Variants in HERC4 observed in about 807,000 individuals in gnomAD.
The protein encoded by HERC4 is HECT and RLD domain containing E3 ubiquitin protein ligase 4, also known as probable E3 ubiquitin-protein ligase HERC4.
A neutral mutation model predicts 124.3 loss-of-function variants in HERC4; 28 were observed. The observed-to-expected ratio is 0.23, with a 90% confidence interval of 0.17 to 0.31. HERC4 has a LOEUF of 0.31. Ranked by LOEUF, HERC4 falls within the 10% of genes least tolerant of loss-of-function variation. HERC4 has a pLI of 1.00. For missense variants in HERC4, 713 were observed against 1,229.3 expected (o/e 0.58, Z 6.28); for synonymous variants, 407 against 421.5 (o/e 0.97, Z 0.42).
At chr10:67,952,899 C>CAAAA (rs1003721031) in intron 19 of HERC4, among the ~76,000 whole-genome samples, 115 of 128,028 alleles carry the variant, frequency 9.0e-4, no homozygotes, top group Middle Eastern at 4.2e-3. Flanking sequence ...GACTCAGTCT[C>CAAAA]AAAAAAAAAG....
rs1366346238 is a variant in HERC4, at chr10:68,024,094, CATT to C, written c.908+1449_908+1451del. ...GAACTTTTATCCCTGTATTGAGAAA[CATT>C]ATGAACTTGTATCTACACTATATAA... is the stretch of plus-strand genomic sequence containing the variant. On this transcript the variant is annotated intron_variant, in intron 8 of 24. Transcript: ENST00000373700. Among the ~76,000 whole-genome samples, 3 of 152,064 alleles carry C rather than the reference CATT, an allele frequency of 2.0e-5. No individual in the cohort carries two copies. The East Asian group carries it at 5.8e-4, about 29-fold the overall frequency.
intron 5 of HERC4, among the ~76,000 whole-genome samples, chr10:68,037,070 A>G: frequency 6.7e-6 from 1 of 148,996 alleles, no homozygotes; most frequent in African/African-American, 2.5e-5. Context: ...GTAACAATGG[A>G]GCAAATGGAA....
At chr10:67,975,227 TAATAA>T (rs901074101) in intron 15 of HERC4, among the ~76,000 whole-genome samples, 2 of 152,020 alleles carry the variant, frequency 1.3e-5, no homozygotes, top group Non-Finnish European at 1.5e-5. Flanking sequence ...TATGCTCCAA[TAATAA>T]AATAAAACCT....
chr10:68,007,151 A>T (rs1057277865), intron 9 of HERC4, among the ~76,000 whole-genome samples: 7 of 151,770 alleles, frequency 4.6e-5, no homozygotes, highest in Non-Finnish European at 1.0e-4. Flanking sequence ...CTGTGGGAGT[A>T]TTTCACTCTT....
At chr10:68,068,098 A>G (rs896364223) in intron 3 of HERC4, 7 of 152,162 alleles carry the variant, frequency 4.6e-5, no homozygotes, top group African/African-American at 1.7e-4. Flanking sequence ...TATAAATCCC[A>G]GCAATTTGGG....
intron 3 of HERC4, among the ~76,000 whole-genome samples, chr10:68,060,048 C>T (rs1003297312): frequency 6.8e-5 from 10 of 147,966 alleles, no homozygotes; most frequent in Admixed American, 6.5e-4. Flanking sequence ...TCAACTTTGG[C>T]AGAATTACTT....
chr10:68,062,677 A>T (rs941079450), intron 3 of HERC4, among the ~76,000 whole-genome samples: 1 of 151,850 alleles, frequency 6.6e-6, no homozygotes, highest in Middle Eastern at 3.2e-3. Context: ...GGAGAATCAC[A>T]TGAACCCGGG....
intron 15 of HERC4, among the ~76,000 whole-genome samples, chr10:67,972,157 T>C (rs994649102): frequency 2.3e-5 from 3 of 132,260 alleles, no homozygotes; most frequent in East Asian, 4.5e-4. Context: ...GAGGTTGCAG[T>C]GGGCCAAGGT....
At position 67,966,811 on chromosome 10, in the gene HERC4, GA is replaced by G; in HGVS notation, c.1807-10del. 6.5e-7 allele frequency: 1 copy of G among 1,535,872 alleles called. No homozygotes were observed. Among genetic ancestry groups the G allele is most frequent in the Non-Finnish European group, 8.8e-7 (1 of 1,140,628 alleles). On this transcript the variant is annotated splice_polypyrimidine_tract_variant and intron_variant, in intron 15 of 24. Transcript: ENST00000373700. ...CCCATTTTCTCATTTACCTACAAAAGAAAATGTAATTGACATTAAATTTAAC... is the reference window on the plus strand; with the variant it reads ...CCCATTTTCTCATTTACCTACAAAAGAAATGTAATTGACATTAAATTTAAC...
At chr10:67,966,880 A>C in intron 15 of HERC4, 78 bp from the exon 16 acceptor site, 13 of 1,103,092 alleles carry the variant, frequency 1.2e-5, no homozygotes, top group South Asian at 1.8e-5. Context: ...TTTGAGACGG[A>C]GTCTCACTCT....
intron 19 of HERC4, among the ~76,000 whole-genome samples, chr10:67,953,409 T>C (rs1166135381): frequency 6.6e-6 from 1 of 152,116 alleles, no homozygotes; most frequent in African/African-American, 2.4e-5. Flanking sequence ...ATAATATTGG[T>C]GGTAATGTTG....
At chr10:68,051,251 T>C (rs941831014) in intron 3 of HERC4, among the ~76,000 whole-genome samples, 2 of 152,058 alleles carry the variant, frequency 1.3e-5, no homozygotes, top group Non-Finnish European at 2.9e-5. Context: ...CATATAATCA[T>C]TATAGTCAAC....
At chr10:68,060,070 G>A (rs1231655694) in intron 3 of HERC4, among the ~76,000 whole-genome samples, 1 of 149,158 alleles carries the variant, frequency 6.7e-6, no homozygotes, top group African/African-American at 2.5e-5. Context: ...ATCTTCTGGA[G>A]TCTGACTGTT....
chr10:67,992,247 T>C lies in HERC4; in HGVS notation c.1223A>G (p.Gln408Arg), dbSNP rs781025020. Residue 408 changes from glutamine (Q) to arginine (R), a missense_variant, in exon 11 of 25, where the codon CAG (glutamine) becomes CGG (arginine). By Grantham distance (43) the Gln-to-Arg change is conservative. Transcript: ENST00000373700. ...QIWTVNEALIQKWLSYPSGRF... is the reference protein window; with the variant it reads ...QIWTVNEALIRKWLSYPSGRF... Reference sequence around the variant, plus strand: ...TCCAGAAGGATAGCTCAGCCATTTCTGAATTAGAGCTTCATTCACTGTCCA... The same window carrying C: ...TCCAGAAGGATAGCTCAGCCATTTCCGAATTAGAGCTTCATTCACTGTCCA... 6.2e-7 allele frequency: 1 copy of C among 1,614,034 alleles called. No individual in the cohort carries two copies. The highest frequency in any genetic ancestry group is 1.3e-5 in the African/African-American group (1 of 74,936).
At chr10:68,006,830 T>C (rs1268210228) in intron 9 of HERC4, among the ~76,000 whole-genome samples, 1 of 152,228 alleles carries the variant, frequency 6.6e-6, no homozygotes. Context: ...AGGTTTCCAC[T>C]GAGAAGTCTG....
intron 5 of HERC4, 50 bp from the exon 6 acceptor site, chr10:68,034,236 T>A (rs1243523277): frequency 1.5e-6 from 2 of 1,354,734 alleles, no homozygotes; most frequent in Non-Finnish European, 2.1e-6. Context: ...ATGCAAAAAA[T>A]TTAATTTGAA....
At chr10:68,028,405 G>A (rs778124034) in intron 7 of HERC4, among the ~76,000 whole-genome samples, 2 of 151,908 alleles carry the variant, frequency 1.3e-5, no homozygotes, top group Admixed American at 1.3e-4. Context: ...ATTTCTTCTC[G>A]ATATCCAGTG....
At chr10:67,986,794 A>T (rs1358236409) in intron 15 of HERC4, among the ~76,000 whole-genome samples, 1 of 152,202 alleles carries the variant, frequency 6.6e-6, no homozygotes, top group Non-Finnish European at 1.5e-5. Context: ...GAAGCAACAC[A>T]GAGGGGTTAG....
intron 3 of HERC4, among the ~76,000 whole-genome samples, chr10:68,056,491 G>A (rs778572963): frequency 6.6e-5 from 10 of 152,168 alleles, no homozygotes; most frequent in East Asian, 1.9e-4. Flanking sequence ...GGAAGACAGC[G>A]ATGCAATTTA....
Sources: gnomAD v4.1 joint callset for allele counts (sites outside exome capture counted in the v4.1 genomes callset) on GRCh38, gnomAD v4.1.1 for gene constraint, MANE v1.5 for transcripts, NCBI Gene and HGNC (gene_info 2026-07-23, HGNC 2026-07-21) for gene names.